SLC25A26: variants seen among roughly 807,000 people sequenced by gnomAD.
SLC25A26 encodes mitochondrial S-adenosylmethionine carrier protein.
A neutral mutation model predicts 37.8 loss-of-function variants in SLC25A26; 36 were observed. The observed-to-expected ratio is 0.95, with a 90% confidence interval of 0.73 to 1.26. The LOEUF is 1.26. Ranked by LOEUF, SLC25A26 falls within the 50% of genes most tolerant of loss-of-function variation. The probability of loss-of-function intolerance (pLI) is 0.00; values close to 1 mark genes in which losing one functional copy is unlikely to be tolerated. For missense variants in SLC25A26, 390 were observed against 331.1 expected, an observed-to-expected ratio of 1.18 and a Z score of -1.38; for synonymous variants, 129 against 122.5, an observed-to-expected ratio of 1.05 and a Z score of -0.35.
At chr3:66,177,635 G>A (rs1042842734) in intron 1 of SLC25A26, among the ~76,000 whole-genome samples, 1 of 152,234 alleles carries the variant, frequency 6.6e-6, no homozygotes, top group Admixed American at 6.5e-5. Flanking sequence ...TCCTGTGACT[G>A]CCCAGGGGAT....
chr3:66,283,434 C>T (rs1039819982), intron 5 of SLC25A26, among the ~76,000 whole-genome samples: 5 of 152,124 alleles, frequency 3.3e-5, no homozygotes, highest in African/African-American at 9.7e-5. Context: ...ACATGTACCA[C>T]CATACCTGGC....
chr3:66,221,688 CA>C (rs1270219429), intron 1 of SLC25A26, among the ~76,000 whole-genome samples: 2 of 151,518 alleles, frequency 1.3e-5, no homozygotes, highest in African/African-American at 4.9e-5. Flanking sequence ...AGTCAATAAA[CA>C]GGCTTAGTAT....
At chr3:66,195,138 C>T (rs2071023609) in intron 1 of SLC25A26, among the ~76,000 whole-genome samples, 1 of 152,232 alleles carries the variant, frequency 6.6e-6, no homozygotes, top group Non-Finnish European at 1.5e-5. Flanking sequence ...CTCCCCAACG[C>T]ATGCTCGCAA....
At chr3:66,333,532 G>A (rs2076025313) in intron 5 of SLC25A26, among the ~76,000 whole-genome samples, 1 of 152,088 alleles carries the variant, frequency 6.6e-6, no homozygotes, top group African/African-American at 2.4e-5. Flanking sequence ...ACTCATACTG[G>A]CCTTTCTCTC....
At chr3:66,325,911 A>G (rs1003511347) in intron 5 of SLC25A26, among the ~76,000 whole-genome samples, 1 of 152,210 alleles carries the variant, frequency 6.6e-6, no homozygotes, top group Admixed American at 6.5e-5. Context: ...GGGGAATAAA[A>G]AGAGGTTGAA....
chr3:66,261,825 G>T (rs184027165), intron 3 of SLC25A26, among the ~76,000 whole-genome samples: 38 of 151,900 alleles, frequency 2.5e-4, no homozygotes, highest in African/African-American at 8.5e-4. Context: ...GGCGGGAGGT[G>T]GCAGGATCTA....
At chr3:66,259,985 C>T (rs34748628) in intron 3 of SLC25A26, among the ~76,000 whole-genome samples, 18,179 of 152,120 alleles carry the variant, frequency 0.12, 1,484 homozygotes, top group African/African-American at 0.21. Flanking sequence ...GTGGGACTGC[C>T]GCTGATTCCC....
Position 66,377,858 on chromosome 3 carries a change from C to A in SLC25A26, c.*51C>A. 2 of 1,360,078 alleles carry A rather than the reference C, an allele frequency of 1.5e-6. No homozygotes were observed. The highest frequency in any genetic ancestry group is 1.2e-5 in the South Asian group (1 of 85,856). The allele number at this position is 1,360,078 out of a possible 1,614,324, so 84.3% of individuals were successfully genotyped here. A position where few individuals can be genotyped will look rare whatever the true frequency, so the allele number is the denominator to read the frequency against. ...TCTGTCAAGAGAGGGGCCTGCAGTG[C>A]AAACCCTCTTCCGCTGAGCAGCTGT... is the stretch of plus-strand genomic sequence containing the variant. On this transcript the variant is annotated 3_prime_UTR_variant, in exon 10 of 10. Transcript: ENST00000354883.
chr3:66,262,033 A>G lies in SLC25A26; in HGVS notation c.301-18A>G, dbSNP rs769306128. On this transcript the variant is annotated intron_variant, in intron 3 of 9. Transcript: ENST00000354883. ...GCAGTTATTTACTTTTTAGGATATA[A>G]TCAAATTTGTCTTTTAGGTTGCCTG... is the stretch of plus-strand genomic sequence containing the variant. 1 of 1,478,298 alleles carries G rather than the reference A, an allele frequency of 6.8e-7. No individual in the cohort carries two copies. Among genetic ancestry groups the G allele is most frequent in the African/African-American group, 1.4e-5 (1 of 71,078 alleles). 91.6% of individuals were successfully genotyped at this position (1,478,298 alleles called of 1,614,324 possible). A position where few individuals can be genotyped will look rare whatever the true frequency, so the allele number is the denominator to read the frequency against.
At chr3:66,246,826 G>A (rs1040042694) in intron 3 of SLC25A26, among the ~76,000 whole-genome samples, 2 of 152,242 alleles carry the variant, frequency 1.3e-5, no homozygotes, top group East Asian at 3.9e-4. Context: ...GAGACTACTG[G>A]TGTGCGCCAC....
intron 1 of SLC25A26, among the ~76,000 whole-genome samples, chr3:66,205,611 A>C (rs1470695292): frequency 1.3e-5 from 2 of 152,206 alleles, no homozygotes; most frequent in African/African-American, 4.8e-5. Flanking sequence ...CATAGCTGGG[A>C]GGCAGTTCAA....
At chr3:66,135,066 G>A (rs1462455262) in intron 1 of SLC25A26, among the ~76,000 whole-genome samples, 1 of 152,036 alleles carries the variant, frequency 6.6e-6, no homozygotes, top group Non-Finnish European at 1.5e-5. Flanking sequence ...CCTGACCCCA[G>A]GTGATCCAGC....
chr3:66,144,498 T>C (rs1377763762), intron 1 of SLC25A26, among the ~76,000 whole-genome samples: 1 of 152,194 alleles, frequency 6.6e-6, no homozygotes, highest in Non-Finnish European at 1.5e-5. Context: ...TTATTTTGCA[T>C]CAACTGAGAA....
At chr3:66,209,631 T>TTATATA (rs1366640873) in intron 1 of SLC25A26, among the ~76,000 whole-genome samples, 6 of 133,540 alleles carry the variant, frequency 4.5e-5, no homozygotes, top group Non-Finnish European at 6.3e-5. Context: ...TATATCTATT[T>TTATATA]TATATATATA....
intron 1 of SLC25A26, among the ~76,000 whole-genome samples, chr3:66,225,673 G>A (rs990387845): frequency 3.3e-5 from 5 of 152,154 alleles, no homozygotes; most frequent in Admixed American, 2.0e-4. Flanking sequence ...CTTTTTTACC[G>A]CATCATCAGG....
chr3:66,289,067 C>G (rs2074613470), intron 5 of SLC25A26, among the ~76,000 whole-genome samples: 1 of 152,196 alleles, frequency 6.6e-6, no homozygotes, highest in Non-Finnish European at 1.5e-5. Flanking sequence ...TTGCATTTCT[C>G]TAATGCCCAT....
At chr3:66,246,783 C>T (rs1350903447) in intron 3 of SLC25A26, among the ~76,000 whole-genome samples, 2 of 152,184 alleles carry the variant, frequency 1.3e-5, no homozygotes, top group Admixed American at 1.3e-4. Context: ...ATGTTGGCTT[C>T]AGACTCTTGG....
chr3:66,272,822 A>C (rs1353130124), intron 5 of SLC25A26, among the ~76,000 whole-genome samples: 1 of 152,114 alleles, frequency 6.6e-6, no homozygotes, highest in Admixed American at 6.6e-5. Context: ...AGAACTTCCA[A>C]CACTGTGTTG....
Position 66,370,609 on chromosome 3 carries a change from C to G in SLC25A26, c.707+7C>G, listed in dbSNP as rs540069811. 5 of 1,611,494 alleles carry G rather than the reference C, an allele frequency of 3.1e-6. No individual in the cohort carries two copies. The Admixed American group carries it at 8.3e-5, about 27-fold the overall frequency. ...GGTCACAGGGGCTGGCAGGGTAAGA[C>G]GAGGAATGCCCTCCTTCCTTTCTTC... On this transcript the variant is annotated splice_region_variant and intron_variant, in intron 9 of 9. Transcript: ENST00000354883.
Sources: gnomAD v4.1 joint callset for allele counts (sites outside exome capture counted in the v4.1 genomes callset) on GRCh38, gnomAD v4.1.1 for gene constraint, MANE v1.5 for transcripts, NCBI Gene and HGNC (gene_info 2026-07-23, HGNC 2026-07-21) for gene names.